ARHGAP15: variants seen among roughly 807,000 people sequenced by gnomAD.
ARHGAP15 encodes rho GTPase-activating protein 15.
Under a neutral mutation model 63.7 loss-of-function variants are expected in ARHGAP15, and 51 were observed. The ratio of observed to expected loss-of-function variants is 0.80; its 90% CI spans 0.64 to 1.01. The LOEUF is 1.01. ARHGAP15 is among the 50% of genes least tolerant of loss of function. ARHGAP15 has a pLI of 0.00. For synonymous variants in ARHGAP15, 191 were observed against 193.8 expected (o/e 0.99, Z 0.12); for missense variants, 560 against 564.6 (o/e 0.99, Z 0.08).
chr2:143,669,261 C>CAA (rs1656594080), intron 12 of ARHGAP15, among the ~76,000 whole-genome samples: 1 of 152,162 alleles, frequency 6.6e-6, no homozygotes, highest in African/African-American at 2.4e-5. Context: ...GGCTTGTGTT[C>CAA]AAACTTCACC....
chr2:143,392,995 A>C (rs1687599904), intron 6 of ARHGAP15, among the ~76,000 whole-genome samples: 1 of 152,156 alleles, frequency 6.6e-6, no homozygotes, highest in African/African-American at 2.4e-5. Flanking sequence ...AAGAAGAGGG[A>C]GAGGAGAAGG....
intron 6 of ARHGAP15, 124 bp downstream of exon 6, chr2:143,250,724 A>G (rs772252813): frequency 7.0e-6 from 5 of 717,246 alleles, no homozygotes; most frequent in African/African-American, 1.8e-5. Context: ...TCTGAAGGTC[A>G]TGAAAGGCGA....
chr2:143,713,952 T>C (rs1375572338), intron 13 of ARHGAP15, among the ~76,000 whole-genome samples: 4 of 152,170 alleles, frequency 2.6e-5, no homozygotes, highest in African/African-American at 7.2e-5. Context: ...ACAGACAGTG[T>C]AAGCTGTTGG....
chr2:143,535,131 T>C (rs1004252544), intron 10 of ARHGAP15, among the ~76,000 whole-genome samples: 3 of 152,142 alleles, frequency 2.0e-5, no homozygotes, highest in African/African-American at 4.8e-5. Context: ...TACAGTAATA[T>C]ACTTCTTTTT....
chr2:143,153,015 G>A (rs892352493), intron 1 of ARHGAP15, among the ~76,000 whole-genome samples: 14 of 151,952 alleles, frequency 9.2e-5, no homozygotes, highest in Non-Finnish European at 1.3e-4. Context: ...CAGATAAAAG[G>A]CTTTGTAATG....
At chr2:143,499,430 C>T (rs949136453) in intron 9 of ARHGAP15, among the ~76,000 whole-genome samples, 2 of 152,182 alleles carry the variant, frequency 1.3e-5, no homozygotes, top group Non-Finnish European at 2.9e-5. Flanking sequence ...GCATAGGACA[C>T]AGCTCTTTCA....
chr2:143,734,662 A>T (rs1433752577), intron 13 of ARHGAP15, among the ~76,000 whole-genome samples: 1 of 152,196 alleles, frequency 6.6e-6, no homozygotes, highest in Non-Finnish European at 1.5e-5. Context: ...TGTTGCCTGG[A>T]ATCAATTAAC....
intron 12 of ARHGAP15, among the ~76,000 whole-genome samples, chr2:143,680,601 T>C (rs1037116441): frequency 7.2e-5 from 11 of 152,232 alleles, no homozygotes; most frequent in Admixed American, 5.2e-4. Context: ...TGGGCCTCCA[T>C]GGCCCTTGCA....
At chr2:143,268,593 A>T (rs997192676) in intron 6 of ARHGAP15, among the ~76,000 whole-genome samples, 1 of 152,150 alleles carries the variant, frequency 6.6e-6, no homozygotes, top group Admixed American at 6.5e-5. Context: ...GTTTATTTTT[A>T]AAAATTACAC....
At chr2:143,334,599 A>G (rs970178947) in intron 6 of ARHGAP15, among the ~76,000 whole-genome samples, 1 of 152,210 alleles carries the variant, frequency 6.6e-6, no homozygotes. Flanking sequence ...ACTGCAGTGA[A>G]AAATAATCAA....
chr2:143,645,584 TGTC>T (rs549516122), intron 12 of ARHGAP15, among the ~76,000 whole-genome samples: 59 of 152,220 alleles, frequency 3.9e-4, no homozygotes, highest in East Asian at 1.5e-3. Flanking sequence ...GAAACTGAAA[TGTC>T]GTCAATACTT....
intron 6 of ARHGAP15, among the ~76,000 whole-genome samples, chr2:143,284,115 G>A (rs1242702352): frequency 6.6e-6 from 1 of 152,004 alleles, no homozygotes; most frequent in African/African-American, 2.4e-5. Flanking sequence ...ACCTGTTTCC[G>A]AATATTTATT....
chr2:143,400,827 G>GAC (rs1687960796), intron 6 of ARHGAP15, among the ~76,000 whole-genome samples: 1 of 151,980 alleles, frequency 6.6e-6, no homozygotes, highest in Non-Finnish European at 1.5e-5. Flanking sequence ...GGGGAGTTGA[G>GAC]TAGACTTTTC....
intron 9 of ARHGAP15, among the ~76,000 whole-genome samples, chr2:143,491,468 G>A (rs1692578260): frequency 6.6e-6 from 1 of 152,170 alleles, no homozygotes; most frequent in Admixed American, 6.5e-5. Context: ...TGTTTAGAAA[G>A]TAGTTTCATT....
Position 143,666,821 on chromosome 2 carries a change from G to T in ARHGAP15, c.1139-36598G>T, listed in dbSNP as rs1024936629. Among the ~76,000 whole-genome samples, 63 of 149,516 alleles carry T rather than the reference G, an allele frequency of 4.2e-4. 2 individuals carry two copies. The highest frequency in any genetic ancestry group is 1.5e-3 in the African/African-American group (60 of 39,130). ...GCAGCCAAAAAACACATGAAAAAAT[G>T]CTCATCATCACTGGCCATCAGAGAA... On this transcript the variant is annotated intron_variant, in intron 12 of 13. Coordinates refer to ENST00000295095, the MANE Select transcript of ARHGAP15 (RefSeq NM_018460.4).
chr2:143,339,648 C>A (rs1388973595), intron 6 of ARHGAP15, among the ~76,000 whole-genome samples: 3 of 152,092 alleles, frequency 2.0e-5, no homozygotes, highest in African/African-American at 7.2e-5. Flanking sequence ...AAATGTGAAA[C>A]CCAGACCTCT....
At chr2:143,165,734 G>T (rs1234957747) in intron 2 of ARHGAP15, among the ~76,000 whole-genome samples, 1 of 151,988 alleles carries the variant, frequency 6.6e-6, no homozygotes, top group Non-Finnish European at 1.5e-5. Context: ...AGTGAATCTG[G>T]CTGATACTTG....
intron 10 of ARHGAP15, among the ~76,000 whole-genome samples, chr2:143,528,431 AT>A (rs201872706): frequency 0.018 from 2,721 of 152,018 alleles, 84 homozygotes; most frequent in African/African-American, 0.062. Flanking sequence ...TTGGATGATA[AT>A]TTTTTTGAGT....
At chr2:143,664,257 G>A (rs1350245121) in intron 12 of ARHGAP15, among the ~76,000 whole-genome samples, 6 of 151,992 alleles carry the variant, frequency 3.9e-5, no homozygotes, top group African/African-American at 9.7e-5. Context: ...CTCAGGATTA[G>A]GAATCTCACT....
Sources: allele counts gnomAD v4.1 joint callset (sites outside exome capture counted in the v4.1 genomes callset), GRCh38; gene constraint gnomAD v4.1.1; transcripts MANE v1.5; gene names NCBI Gene and HGNC (gene_info 2026-07-23, HGNC 2026-07-21).